Variants in CHGB observed in about 807,000 individuals in gnomAD.
CHGB encodes chromogranin B.
A neutral mutation model predicts 69.9 loss-of-function variants in CHGB; 46 were observed. The ratio of observed to expected loss-of-function variants is 0.66; its 90% CI spans 0.52 to 0.84. CHGB has a LOEUF of 0.84. Ranked by LOEUF, CHGB falls within the 40% of genes least tolerant of loss-of-function variation. CHGB has a pLI of 0.00. For missense variants in CHGB, 796 were observed against 822.2 expected, an observed-to-expected ratio of 0.97 and a Z score of 0.39; for synonymous variants, 312 against 298.2, an observed-to-expected ratio of 1.05 and a Z score of -0.48.
rs752876531 is a variant in CHGB at position 5,923,710 on chromosome 20, C to G, written c.1566C>G (p.Phe522Leu). The G allele has an allele frequency of 6.2e-7, 1 of 1,614,112 alleles. No homozygotes were observed. Among genetic ancestry groups the G allele is most frequent in the Non-Finnish European group, 8.5e-7 (1 of 1,180,024 alleles). Reference protein sequence around the residue: ...AEKRKRLGELFNPYYDPLQWK... With the variant: ...AEKRKRLGELLNPYYDPLQWK... ...AGAGGAAGAGATTAGGGGAACTGTT[C>G]AACCCATACTACGACCCTCTCCAGT... is the stretch of plus-strand genomic sequence containing the variant. The change falls in exon 4 of 5, where the codon TTC (phenylalanine) becomes TTG (leucine). Residue 522 changes from phenylalanine to leucine, a missense_variant. By Grantham distance (22) the Phe-to-Leu change is conservative. This residue lies in a region of CHGB where 274 missense variants were observed against 298.9 expected (regional missense o/e 0.92). Coordinates refer to ENST00000378961, the MANE Select transcript of CHGB (RefSeq NM_001819.3).
chr20:5,917,030 T>C, intron 3 of CHGB, 111 bp downstream of exon 3: 1 of 954,270 alleles, frequency 1.0e-6, no homozygotes, highest in Non-Finnish European at 1.7e-6. Flanking sequence ...CATAATGCAC[T>C]AGGAAGAGTA....
chr20:5,923,255 A>G lies in CHGB; in HGVS notation c.1111A>G (p.Arg371Gly). The G allele has an allele frequency of 1.2e-6, 2 of 1,613,866 alleles. No individual in the cohort carries two copies. Among genetic ancestry groups the G allele is most frequent in the Non-Finnish European group, 8.5e-7 (1 of 1,179,976 alleles). The stretch of plus-strand genomic sequence containing the variant: ...TAGGGGCAGAGGAAGTGAAGAATAC[A>G]GGGCTCCAAGACCTCAGAGTGAGGA... ...RYRGRGSEEY[R>G]APRPQSEESW... Residue 371 changes from arginine to glycine, a missense_variant, in exon 4 of 5, where the codon AGG becomes GGG. Physicochemically the swap from Arg to Gly is moderately radical, Grantham distance 125. This residue lies in a region of CHGB where 518 missense variants were observed against 506.3 expected (regional missense o/e 1.02). Coordinates refer to ENST00000378961, the MANE Select transcript of CHGB (RefSeq NM_001819.3).
rs377149531 is a variant in CHGB at position 5,922,803 on chromosome 20, A to C, written c.659A>C (p.His220Pro). Residue 220 changes from histidine (H) to proline (P), a missense_variant, in exon 4 of 5, where the codon CAT becomes CCT. Around this residue, in one of 3 missense-constraint regions of CHGB, gnomAD observed 518 missense variants for 506.3 expected, o/e 1.02. Coordinates refer to ENST00000378961, the MANE Select transcript of CHGB (RefSeq NM_001819.3). The part of the protein sequence containing the change: ...KEELVARSET[H>P]AAGHSQEKTH... ...GAGTTAGTGGCCAGATCGGAAACAC[A>C]TGCTGCCGGGCATTCTCAGGAGAAG... 7 of 1,614,190 alleles carry C rather than the reference A, an allele frequency of 4.3e-6. No homozygotes were observed. The Middle Eastern group carries it at 4.9e-4, about 114-fold the overall frequency.
At position 5,911,614 on chromosome 20, in the gene CHGB, AG is replaced by A; in HGVS notation, c.-16del. ...CCAGCCGCCATCTTCCTTTCCGCAC[AG>A]GGGCCGCCGAGCGGGGCCATGCAGC... is the stretch of plus-strand genomic sequence containing the variant. On this transcript the variant is annotated 5_prime_UTR_variant, in exon 1 of 5. Transcript: ENST00000378961. The A allele has an allele frequency of 1.3e-6, 2 of 1,518,506 alleles. No homozygotes were observed. The highest frequency in any genetic ancestry group is 1.4e-5 in the African/African-American group (1 of 69,530). 94.1% of individuals were successfully genotyped at this position (1,518,506 alleles called of 1,614,324 possible). A position where few individuals can be genotyped will look rare whatever the true frequency, so the allele number is the denominator to read the frequency against.
rs202146145 is a variant in CHGB at position 5,922,785 on chromosome 20, T to C, written c.641T>C (p.Val214Ala). Residue 214 changes from valine (V) to alanine (A), a missense_variant, in exon 4 of 5, where the codon GTG becomes GCG. Val to Ala is a moderately conservative substitution (Grantham distance 64, BLOSUM62 0). Coordinates refer to ENST00000378961, the MANE Select transcript of CHGB (RefSeq NM_001819.3). ...QASAIKKEELVARSETHAAGH... is the reference protein window; with the variant it reads ...QASAIKKEELAARSETHAAGH... Reference sequence around the variant, plus strand: ...TCAGCTATAAAAAAAGAGGAGTTAGTGGCCAGATCGGAAACACATGCTGCC... The same window carrying C: ...TCAGCTATAAAAAAAGAGGAGTTAGCGGCCAGATCGGAAACACATGCTGCC... 2.2e-5 allele frequency: 35 copies of C among 1,613,982 alleles called. No homozygotes were observed. The highest frequency in any genetic ancestry group is 4.5e-5 in the East Asian group (2 of 44,868).
chr20:5,913,874 C>T (rs1266906895), intron 1 of CHGB, among the ~76,000 whole-genome samples: 1 of 151,948 alleles, frequency 6.6e-6, no homozygotes, highest in Non-Finnish European at 1.5e-5. Context: ...TCAGGTAATC[C>T]GCCAGCCTCG....
intron 3 of CHGB, among the ~76,000 whole-genome samples, chr20:5,919,532 G>A (rs370245132): frequency 6.6e-6 from 1 of 152,180 alleles, no homozygotes; most frequent in African/African-American, 2.4e-5. Context: ...CTCTAAACCC[G>A]TTATGGAGAA....
At chr20:5,917,812 C>G (rs1198950536) in intron 3 of CHGB, 1 of 148,270 alleles carries the variant, frequency 6.7e-6, no homozygotes, top group East Asian at 1.9e-4. Flanking sequence ...AGGCTGGGAA[C>G]AGTAGATTTT....
chr20:5,922,447 G>T lies in CHGB; in HGVS notation c.303G>T (p.Arg101Ser). The T allele has an allele frequency of 6.2e-7, 1 of 1,613,562 alleles. No homozygotes were observed. The highest frequency in any genetic ancestry group is 8.5e-7 in the Non-Finnish European group (1 of 1,179,472). Residue 101 changes from arginine (R) to serine (S), a missense_variant, in exon 4 of 5, where the codon AGG becomes AGT. Physicochemically the swap from Arg to Ser is moderately radical, Grantham distance 110 (BLOSUM62 -1). This residue lies in a region of CHGB where 518 missense variants were observed against 506.3 expected (regional missense o/e 1.02). Coordinates refer to ENST00000378961, the MANE Select transcript of CHGB (RefSeq NM_001819.3). ...CGGAAGCCCACGAGTCCTCCAGCAGGGGAGAGGCAGGAGCCCCAGGGGAGG... is the reference window on the plus strand; with the variant it reads ...CGGAAGCCCACGAGTCCTCCAGCAGTGGAGAGGCAGGAGCCCCAGGGGAGG... ...DASEAHESSS[R>S]GEAGAPGEED...
Position 5,911,626 on chromosome 20 carries a change from GC to G in CHGB, c.-7del. 6.6e-7 allele frequency: 1 copy of G among 1,516,538 alleles called. No individual in the cohort carries two copies. Among genetic ancestry groups the G allele is most frequent in the South Asian group, 1.2e-5 (1 of 82,976 alleles). 93.9% of individuals were successfully genotyped at this position (1,516,538 alleles called of 1,614,324 possible). A position where few individuals can be genotyped will look rare whatever the true frequency, so the allele number is the denominator to read the frequency against. On this transcript the variant is annotated 5_prime_UTR_variant, in exon 1 of 5. Transcript: ENST00000378961. Reference sequence around the variant, plus strand: ...TTCCTTTCCGCACAGGGGCCGCCGAGCGGGGCCATGCAGCCAACGCTGCTTC... The same window carrying G: ...TTCCTTTCCGCACAGGGGCCGCCGAGGGGGCCATGCAGCCAACGCTGCTTC...
chr20:5,911,690 G>A lies in CHGB; in HGVS notation c.49+8G>A. ...GAGCCGTGGGGCTGGCGGGTGAGTG[G>A]GCGCGGCGGGCCGGTCAGCACCGCG... On this transcript the variant is annotated splice_region_variant and intron_variant, in intron 1 of 4. Transcript: ENST00000378961. The A allele has an allele frequency of 1.4e-6, 2 of 1,456,538 alleles. No individual in the cohort carries two copies. The highest frequency in any genetic ancestry group is 9.0e-7 in the Non-Finnish European group (1 of 1,110,336). 90.2% of individuals were successfully genotyped at this position (1,456,538 alleles called of 1,614,324 possible).
rs902042185 is a variant in CHGB at position 5,916,701 on chromosome 20, C to T, written c.97-125C>T. 29 of 837,500 alleles carry T rather than the reference C, an allele frequency of 3.5e-5. No homozygotes were observed. The Middle Eastern group carries it at 1.5e-3, about 45-fold the overall frequency. 51.9% of individuals were successfully genotyped at this position (837,500 alleles called of 1,614,324 possible). ...TTCTGTTCCTGTAAATCTGTATCTC[C>T]GCCCTAAGAATACTGCATCAGCCCA... On this transcript the variant is annotated intron_variant, in intron 2 of 4. Coordinates refer to ENST00000378961, the MANE Select transcript of CHGB (RefSeq NM_001819.3).
chr20:5,919,801 A>C (rs938812680), intron 3 of CHGB, among the ~76,000 whole-genome samples: 22 of 152,262 alleles, frequency 1.4e-4, no homozygotes, highest in African/African-American at 5.3e-4. Flanking sequence ...GAATGCCTTT[A>C]TACAGCCTCT....
At position 5,916,378 on chromosome 20, in the gene CHGB, T is replaced by C; in HGVS notation, c.96+6T>C. 1.2e-6 allele frequency: 2 copies of C among 1,611,000 alleles called. No individual in the cohort carries two copies. Among genetic ancestry groups the C allele is most frequent in the Non-Finnish European group, 1.7e-6 (2 of 1,177,260 alleles). On this transcript the variant is annotated splice_donor_region_variant and intron_variant, in intron 2 of 4. Transcript: ENST00000378961. ...GGAACCACAATGAAGGAATGGTAAG[T>C]TGCAATGTCAATCTTAGAATCTAGA...
Position 5,922,811 on chromosome 20 carries a change from G to T in CHGB, c.667G>T (p.Gly223Trp). Residue 223 changes from glycine (G) to tryptophan (W), a missense_variant, in exon 4 of 5, where the codon GGG becomes TGG. Around this residue, in one of 3 missense-constraint regions of CHGB, gnomAD observed 518 missense variants for 506.3 expected, o/e 1.02. Coordinates refer to ENST00000378961, the MANE Select transcript of CHGB (RefSeq NM_001819.3). ...LVARSETHAA[G>W]HSQEKTHSRE... Reference sequence around the variant, plus strand: ...GGCCAGATCGGAAACACATGCTGCCGGGCATTCTCAGGAGAAGACACATAG... The same window carrying T: ...GGCCAGATCGGAAACACATGCTGCCTGGCATTCTCAGGAGAAGACACATAG... 1 of 1,614,104 alleles carries T rather than the reference G, an allele frequency of 6.2e-7. No individual in the cohort carries two copies. The highest frequency in any genetic ancestry group is 8.5e-7 in the Non-Finnish European group (1 of 1,180,020).
chr20:5,911,739 C>A, intron 1 of CHGB, 57 bp downstream of exon 1: 1 of 1,341,324 alleles, frequency 7.5e-7, no homozygotes, highest in Non-Finnish European at 9.6e-7. Flanking sequence ...TCGCTCTTCC[C>A]CGCCGCTCCC....
Position 5,922,449 on chromosome 20 carries a change from G to A in CHGB, c.305G>A (p.Gly102Glu), listed in dbSNP as rs752353688. ...ASEAHESSSR[G>E]EAGAPGEEDI... Reference sequence around the variant, plus strand: ...GAAGCCCACGAGTCCTCCAGCAGGGGAGAGGCAGGAGCCCCAGGGGAGGAG... The same window carrying A: ...GAAGCCCACGAGTCCTCCAGCAGGGAAGAGGCAGGAGCCCCAGGGGAGGAG... Residue 102 changes from glycine to glutamate, a missense_variant, in exon 4 of 5, where the codon GGA (glycine) becomes GAA (glutamate). Transcript: ENST00000378961. The A allele has an allele frequency of 6.2e-7, 1 of 1,613,622 alleles. No homozygotes were observed. The highest frequency in any genetic ancestry group is 1.1e-5 in the South Asian group (1 of 91,074).
intron 3 of CHGB, 121 bp downstream of exon 3, chr20:5,917,040 A>G: frequency 3.4e-6 from 3 of 878,710 alleles, no homozygotes; most frequent in Middle Eastern, 2.2e-4. Context: ...TAGGAAGAGT[A>G]TTGATTGACT....
At chr20:5,921,299 C>T (rs1168614109) in intron 3 of CHGB, among the ~76,000 whole-genome samples, 1 of 152,168 alleles carries the variant, frequency 6.6e-6, no homozygotes, top group Non-Finnish European at 1.5e-5. Flanking sequence ...ATCGGACCAG[C>T]CACATTTCAA....
Sources: gnomAD v4.1 joint callset for allele counts (sites outside exome capture counted in the v4.1 genomes callset) on GRCh38, gnomAD v4.1.1 for gene constraint, gnomAD v4.1.1 regional missense constraint, MANE v1.5 for transcripts, NCBI Gene and HGNC (gene_info 2026-07-23, HGNC 2026-07-21) for gene names.